PAX3: variants seen among roughly 807,000 people sequenced by gnomAD.
PAX3 encodes the protein paired box protein Pax-3.
PAX3 carries 14 observed loss-of-function variants against 51.6 expected under a neutral mutation model. That is an observed-to-expected ratio of 0.27 (90% CI 0.18 to 0.42). The LOEUF (loss-of-function observed/expected upper bound fraction) is 0.42. Among genes scored for constraint, PAX3 ranks in the 10% least tolerant of loss-of-function variants. The pLI is 1.00. For synonymous variants in PAX3, 280 were observed against 253.4 expected (o/e 1.11, Z -1.00); for missense variants, 540 against 642.8 (o/e 0.84, Z 1.73).
rs372297667 is a variant in PAX3, at chr2:222,202,181, G to A, written c.1183C>T (p.Leu395Phe). The change falls in exon 8 of 9, where the codon CTC becomes TTC. Residue 395 changes from leucine (L) to phenylalanine (F), a missense_variant. Leu to Phe is a conservative substitution (Grantham distance 22). Transcript: ENST00000392070. ...GGTACCCCACCGTGGTTGGTCAGGA[G>A]TCCCATTACCTAAAAAAACAGCCAG... ...GNGLSPQVMG[L>F]LTNHGGVPHQ... 2 of 1,594,062 alleles carry A rather than the reference G, an allele frequency of 1.3e-6. No individual in the cohort carries two copies. Among genetic ancestry groups the A allele is most frequent in the African/African-American group, 2.7e-5 (2 of 74,458 alleles).
At chr2:222,261,912 A>C (rs66539021) in intron 4 of PAX3, among the ~76,000 whole-genome samples, 15,667 of 152,268 alleles carry the variant, frequency 0.1, 985 homozygotes, top group East Asian at 0.33. Flanking sequence ...AAGCAGTTTA[A>C]ACAAGCATGA....
intron 4 of PAX3, among the ~76,000 whole-genome samples, chr2:222,240,088 A>G (rs1179130010): frequency 6.6e-6 from 1 of 152,118 alleles, no homozygotes; most frequent in Non-Finnish European, 1.5e-5. Flanking sequence ...TAATCAAAAT[A>G]GCACAAATAA....
chr2:222,248,056 G>C (rs1459061235), intron 4 of PAX3, among the ~76,000 whole-genome samples: 1 of 151,854 alleles, frequency 6.6e-6, no homozygotes, highest in Non-Finnish European at 1.5e-5. Context: ...ATGTCCTCTG[G>C]ATCATCTATT....
chr2:222,257,828 C>A (rs1306900351), intron 4 of PAX3, among the ~76,000 whole-genome samples: 1 of 152,228 alleles, frequency 6.6e-6, no homozygotes, highest in Non-Finnish European at 1.5e-5. Context: ...CCCACCAGGG[C>A]CTCCCCAGGG....
At chr2:222,208,579 A>C (rs1240635861) in intron 7 of PAX3, among the ~76,000 whole-genome samples, 1 of 152,152 alleles carries the variant, frequency 6.6e-6, no homozygotes, top group Non-Finnish European at 1.5e-5. Context: ...CAGAGCCTCA[A>C]ACTCTTTCTG....
chr2:222,248,299 T>A lies in PAX3; in HGVS notation c.587-16016A>T, dbSNP rs146432154. ...AACAAAACGACTTCCCAGAATTTCA[T>A]GTGCTTGCCAAAATGGACCAACTGT... On this transcript the variant is annotated intron_variant, in intron 4 of 8. Coordinates refer to ENST00000392070, the MANE Select transcript of PAX3 (RefSeq NM_181458.4). Among the ~76,000 whole-genome samples, 5 of 152,336 alleles carry A rather than the reference T, an allele frequency of 3.3e-5. No homozygotes were observed. The East Asian group carries it at 9.6e-4, about 29-fold the overall frequency.
chr2:222,237,876 G>C (rs1692859190), intron 4 of PAX3, among the ~76,000 whole-genome samples: 1 of 152,186 alleles, frequency 6.6e-6, no homozygotes, highest in Non-Finnish European at 1.5e-5. Flanking sequence ...TGAAGCAAAA[G>C]TGCAGGAAGG....
chr2:222,202,829 G>A (rs1382803793), intron 7 of PAX3, among the ~76,000 whole-genome samples: 1 of 150,624 alleles, frequency 6.6e-6, no homozygotes, highest in Non-Finnish European at 1.5e-5. Flanking sequence ...ATATTCATTA[G>A]TTCAGTCACC....
intron 4 of PAX3, among the ~76,000 whole-genome samples, chr2:222,254,255 G>T (rs970018436): frequency 1.3e-5 from 2 of 152,174 alleles, no homozygotes; most frequent in African/African-American, 4.8e-5. Flanking sequence ...CAGTTGATAT[G>T]TTATTTGCCT....
At chr2:222,251,228 A>G (rs1049445452) in intron 4 of PAX3, among the ~76,000 whole-genome samples, 2 of 152,154 alleles carry the variant, frequency 1.3e-5, no homozygotes, top group African/African-American at 2.4e-5. Flanking sequence ...AACATTAGGT[A>G]TATCTCCTAA....
At chr2:222,271,131 G>A (rs568691774) in intron 4 of PAX3, among the ~76,000 whole-genome samples, 1 of 152,164 alleles carries the variant, frequency 6.6e-6, no homozygotes, top group Non-Finnish European at 1.5e-5. Flanking sequence ...CATTGAAAAG[G>A]ACTCCAGCTC....
intron 4 of PAX3, among the ~76,000 whole-genome samples, chr2:222,271,533 T>G (rs1321482116): frequency 1.3e-5 from 2 of 152,226 alleles, no homozygotes; most frequent in African/African-American, 2.4e-5. Context: ...ATTTTTACAC[T>G]CACTATTTGG....
At chr2:222,227,882 G>C (rs899028979) in intron 5 of PAX3, among the ~76,000 whole-genome samples, 3 of 152,084 alleles carry the variant, frequency 2.0e-5, no homozygotes, top group African/African-American at 7.2e-5. Context: ...AGAGGCTAAA[G>C]TTATTATAGC....
At chr2:222,254,347 C>T (rs1693555654) in intron 4 of PAX3, among the ~76,000 whole-genome samples, 1 of 152,052 alleles carries the variant, frequency 6.6e-6, no homozygotes. Context: ...AGATTGGTCT[C>T]GTTGTATGAA....
At chr2:222,286,626 A>C (rs1694843172) in intron 4 of PAX3, among the ~76,000 whole-genome samples, 2 of 152,272 alleles carry the variant, frequency 1.3e-5, no homozygotes, top group Non-Finnish European at 2.9e-5. Context: ...TGCTGTATGC[A>C]ACGTGCAAGG....
At chr2:222,294,524 T>C (rs1403677982) in intron 3 of PAX3, among the ~76,000 whole-genome samples, 2 of 152,062 alleles carry the variant, frequency 1.3e-5, no homozygotes, top group Non-Finnish European at 2.9e-5. Flanking sequence ...ATCTCGGTAC[T>C]GAAAGACGGA....
In PAX3 at chr2:222,220,375, A is replaced by G. The variant is rs1253470848; in HGVS notation, c.959-21T>C. ...CACAGCTGAAATGAAAAAGATTGTC[A>G]ACCATCATGTTTTCTTTTAGGCCAG... is the stretch of plus-strand genomic sequence containing the variant. On this transcript the variant is annotated intron_variant, in intron 6 of 8. Transcript: ENST00000392070. 3.7e-6 allele frequency: 6 copies of G among 1,611,786 alleles called. No homozygotes were observed. The African/African-American group carries it at 4.0e-5, about 11-fold the overall frequency.
At chr2:222,238,402 T>C (rs1408928524) in intron 4 of PAX3, among the ~76,000 whole-genome samples, 1 of 152,170 alleles carries the variant, frequency 6.6e-6, no homozygotes, top group East Asian at 1.9e-4. Flanking sequence ...TAATTATTGG[T>C]GTTCAGACAA....
chr2:222,223,247 A>T (rs1415938725), intron 5 of PAX3, among the ~76,000 whole-genome samples: 1 of 152,194 alleles, frequency 6.6e-6, no homozygotes, highest in African/African-American at 2.4e-5. Flanking sequence ...CTGGTAAGGA[A>T]AGCTGTTTGA....
Sources: allele counts gnomAD v4.1 joint callset (sites outside exome capture counted in the v4.1 genomes callset), GRCh38; gene constraint gnomAD v4.1.1; transcripts MANE v1.5; gene names NCBI Gene and HGNC (gene_info 2026-07-23, HGNC 2026-07-21).